SLC49A3: variants seen among roughly 807,000 people sequenced by gnomAD.
SLC49A3 encodes solute carrier family 49 member 3.
Under a neutral mutation model 43.8 loss-of-function variants are expected in SLC49A3, and 50 were observed. The observed-to-expected ratio is 1.14, with a 90% confidence interval of 0.91 to 1.45. The LOEUF (loss-of-function observed/expected upper bound fraction) is 1.45. Among genes scored for constraint, SLC49A3 ranks in the 40% most tolerant of loss-of-function variants. The probability of loss-of-function intolerance (pLI) is 0.00; values close to 1 mark genes in which losing one functional copy is unlikely to be tolerated. For missense variants in SLC49A3, 906 were observed against 774.1 expected (o/e 1.17, Z -2.02); for synonymous variants, 413 against 352.0 (o/e 1.17, Z -1.94).
At position 684,749 on chromosome 4, in the gene SLC49A3, G is replaced by A. The variant is rs1416745961; in HGVS notation, c.693C>T (p.Thr231=). Residue 231 remains threonine, a synonymous_variant, in exon 5 of 10, where the codon ACC becomes ACT. Coordinates refer to ENST00000322224, the MANE Select transcript of SLC49A3 (RefSeq NM_032219.4). ...TGAGCCCATCCAGGAACTTCTCTGAGGTGGAGCTGGCAGCCCCGGCAGAGG... is the reference window on the plus strand; with the variant it reads ...TGAGCCCATCCAGGAACTTCTCTGAAGTGGAGCTGGCAGCCCCGGCAGAGG... ...TPPSAGAASS[T]SEKFLDGLKL... 1 of 1,611,940 alleles carries A rather than the reference G, an allele frequency of 6.2e-7. No homozygotes were observed. Among genetic ancestry groups the A allele is most frequent in the Non-Finnish European group, 8.5e-7 (1 of 1,179,744 alleles).
At chr4:679,928 A>G (rs1739274680), downstream of SLC49A3, 2 of 1,613,708 alleles carry the variant, frequency 1.2e-6, no homozygotes, top group East Asian at 4.5e-5. Flanking sequence ...GACCAACGTC[A>G]AGGACGACGA....
downstream of SLC49A3, chr4:678,085 G>A: frequency 6.2e-7 from 1 of 1,605,240 alleles, no homozygotes; most frequent in Non-Finnish European, 8.5e-7. Context: ...GCTGTGCTGT[G>A]CATGTGTACA....
In SLC49A3 at chr4:689,036, AC is replaced by A; in HGVS notation, c.91del (p.Val31CysfsTer75). ...RGHRTYARRW[V>X]FLLAISLLNC... is the part of the protein sequence containing the mutation. ...GAGCAGGCTGATCGCGAGCAGGAAC[AC>A]CCAGCGGCGCGCGTAGGTGCGGTGG... On this transcript the variant is annotated frameshift_variant, in exon 1 of 10. Coordinates refer to ENST00000322224, the MANE Select transcript of SLC49A3 (RefSeq NM_032219.4). LOFTEE classifies it high-confidence loss of function. 6.3e-7 allele frequency: 1 copy of A among 1,590,056 alleles called. No individual in the cohort carries two copies. The highest frequency in any genetic ancestry group is 2.4e-5 in the East Asian group (1 of 41,300).
rs767047713 is a variant in SLC49A3, at chr4:683,779, A to G, written c.841-18T>C. On this transcript the variant is annotated intron_variant, in intron 6 of 9. Coordinates refer to ENST00000322224, the MANE Select transcript of SLC49A3 (RefSeq NM_032219.4). ...GAAAACCCCTGGAGGAGGCGAGAAG[A>G]GGCCAGGGCCCCAAGAGGCCACCAT... 1.3e-6 allele frequency: 2 copies of G among 1,548,654 alleles called. No individual in the cohort carries two copies. Among genetic ancestry groups the G allele is most frequent in the African/African-American group, 2.7e-5 (2 of 73,118 alleles).
downstream of SLC49A3, among the ~76,000 whole-genome samples, chr4:677,684 G>A (rs1469714130): frequency 3.3e-5 from 5 of 152,192 alleles, no homozygotes; most frequent in East Asian, 9.6e-4. Context: ...AGGGTGCCCA[G>A]GCCCCCAGCC....
chr4:680,928 TG>T (rs1432859339), downstream of SLC49A3: 2 of 777,624 alleles, frequency 2.6e-6, no homozygotes, highest in Non-Finnish European at 4.2e-6. Flanking sequence ...TGATGGCCCC[TG>T]AGTGTGTGTT....
upstream of SLC49A3, chr4:689,558 G>T (rs962832443): frequency 6.4e-6 from 1 of 155,632 alleles, no homozygotes; most frequent in Admixed American, 6.5e-5. Context: ...CCAGAGGCCA[G>T]CCTGGAAGAA....
chr4:681,867 A>G lies in SLC49A3; in HGVS notation c.*91T>C. 1 of 1,309,308 alleles carries G rather than the reference A, an allele frequency of 7.6e-7. No individual in the cohort carries two copies. Among genetic ancestry groups the G allele is most frequent in the Non-Finnish European group, 9.8e-7 (1 of 1,020,616 alleles). The allele number at this position is 1,309,308 out of a possible 1,614,324, so 81.1% of individuals were successfully genotyped here. A position where few individuals can be genotyped will look rare whatever the true frequency, so the allele number is the denominator to read the frequency against. On this transcript the variant is annotated 3_prime_UTR_variant, in exon 10 of 10. Coordinates refer to ENST00000322224, the MANE Select transcript of SLC49A3 (RefSeq NM_032219.4). ...TTGTAATTCGCTCCCGGAGCCCGCA[A>G]GGAGCCCTTTCGCCCCCGCCCGCAG...
chr4:680,497 C>G (rs201508988), downstream of SLC49A3: 7 of 1,613,342 alleles, frequency 4.3e-6, no homozygotes, highest in Non-Finnish European at 5.9e-6. Context: ...GCTGAAGGTG[C>G]CTTTGTGGCA....
downstream of SLC49A3, among the ~76,000 whole-genome samples, chr4:677,754 C>T (rs373085220): frequency 2.6e-5 from 4 of 152,246 alleles, no homozygotes; most frequent in East Asian, 5.8e-4. Context: ...AAAGCCTCCC[C>T]GGGGTTCGGG....
chr4:681,262 G>C, downstream of SLC49A3: 1 of 1,175,416 alleles, frequency 8.5e-7, no homozygotes, highest in South Asian at 1.4e-5. Flanking sequence ...GGACAGAACA[G>C]GCCCCCGGGG....
downstream of SLC49A3, chr4:678,554 C>A (rs1739093125): frequency 1.3e-6 from 2 of 1,488,532 alleles, no homozygotes; most frequent in African/African-American, 2.8e-5. Context: ...GCCCGAAGGG[C>A]TGAGGTCCAC....
chr4:687,630 TGAGAA>T (rs1741317038), intron 1 of SLC49A3, among the ~76,000 whole-genome samples: 1 of 152,202 alleles, frequency 6.6e-6, no homozygotes, highest in Admixed American at 6.5e-5. Flanking sequence ...GCTGACTCAC[TGAGAA>T]GAGATGCGTC....
At chr4:679,105 C>G (rs548185628), downstream of SLC49A3, 1 of 1,275,600 alleles carries the variant, frequency 7.8e-7, no homozygotes, top group South Asian at 1.3e-5. Flanking sequence ...CTCCAGACGC[C>G]GCGGCCCCTC....
intron 9 of SLC49A3, 135 bp downstream of exon 9, chr4:682,646 G>A: frequency 1.4e-6 from 1 of 691,842 alleles, no homozygotes. Flanking sequence ...CTATTGCCCG[G>A]GGACTCCCTG....
rs2109430439 is a variant in SLC49A3, at chr4:685,730, TCACACACGGGCACAGGAACACGGA to T, written c.585+81_585+104del. The stretch of plus-strand genomic sequence containing the variant: ...CGGGTGGCGGGGCGGGGGACGGGAA[TCACACACGGGCACAGGAACACGGA>T]CACACTTGGGATCAGGAACACACAG... On this transcript the variant is annotated intron_variant, in intron 4 of 9. Transcript: ENST00000322224. This position sits in a 1 kb window ranked among gnomAD's most constrained non-coding sequence, Gnocchi z 4.3. 1 of 1,257,176 alleles carries T rather than the reference TCACACACGGGCACAGGAACACGGA, an allele frequency of 8.0e-7. No homozygotes were observed. The highest frequency in any genetic ancestry group is 1.5e-5 in the African/African-American group (1 of 66,592). 77.9% of individuals were successfully genotyped at this position (1,257,176 alleles called of 1,614,324 possible).
downstream of SLC49A3, chr4:679,884 T>C (rs371217900): frequency 1.7e-4 from 271 of 1,588,624 alleles, no homozygotes; most frequent in Middle Eastern, 1.5e-3. Context: ...CAACAAGCCC[T>C]GCCCTGTGAT....
chr4:683,822 G>T, intron 6 of SLC49A3, 61 bp from the exon 7 acceptor site: 1 of 1,513,470 alleles, frequency 6.6e-7, no homozygotes, highest in East Asian at 2.5e-5. Flanking sequence ...GGTGCATGCC[G>T]TCAGGGCAGG....
chr4:681,034 C>T (rs1739426177), downstream of SLC49A3: 3 of 1,552,232 alleles, frequency 1.9e-6, no homozygotes, highest in Admixed American at 5.8e-5. Context: ...CTGAGCCCCA[C>T]CGAGAAGGCT....
Sources: gnomAD v4.1 joint callset for allele counts (sites outside exome capture counted in the v4.1 genomes callset) on GRCh38, gnomAD v4.1.1 for gene constraint, Gnocchi (gnomAD v3.1) non-coding constraint, MANE v1.5 for transcripts, NCBI Gene and HGNC (gene_info 2026-07-23, HGNC 2026-07-21) for gene names.